ZNF680: variants seen among roughly 807,000 people sequenced by gnomAD.
ZNF680 encodes the protein hypothetical protein FLJ90430.
Under a neutral mutation model 12.1 loss-of-function variants are expected in ZNF680, and 6 were observed. The ratio of observed to expected loss-of-function variants is 0.49; its 90% CI spans 0.27 to 0.98. The LOEUF (loss-of-function observed/expected upper bound fraction) is 0.98, where lower values mean the gene tolerates loss of function less well. Among genes scored for constraint, ZNF680 ranks in the 50% least tolerant of loss-of-function variants. ZNF680 has a pLI of 0.12. For missense variants in ZNF680, 561 were observed against 616.3 expected (o/e 0.91, Z 0.95); for synonymous variants, 170 against 199.3 (o/e 0.85, Z 1.24).
the ZNF680 span, among the ~76,000 whole-genome samples, chr7:64,502,962 T>C: frequency 5.9e-5 from 9 of 152,318 alleles, no homozygotes; most frequent in Admixed American, 5.9e-4. Flanking sequence ...CTAGGTCTAG[T>C]TGAATCTGCT....
In ZNF680 at chr7:64,521,705, T is replaced by C. The variant is rs534634495; in HGVS notation, c.1049A>G (p.Tyr350Cys). The C allele has an allele frequency of 1.3e-4, 217 of 1,612,386 alleles. 3 individuals carry two copies. The South Asian group carries it at 2.3e-3, about 17-fold the overall frequency. Reference protein sequence around the residue: ...HKKIHTGEKPYKCEECGKAFN... With the variant: ...HKKIHTGEKPCKCEECGKAFN... ...AGCTTTGCCACATTCTTCACATTTG[T>C]AGGGTTTCTCTCCAGTATGAATTTT... The change falls in exon 4 of 4, where the codon TAC (tyrosine) becomes TGC (cysteine). Residue 350 changes from tyrosine to cysteine, a missense_variant. Physicochemically the swap from Tyr to Cys is radical, Grantham distance 194. Coordinates refer to ENST00000309683, the MANE Select transcript of ZNF680 (RefSeq NM_178558.5).
At chr7:64,533,687 G>A (rs1198524881) in intron 3 of ZNF680, among the ~76,000 whole-genome samples, 2 of 151,768 alleles carry the variant, frequency 1.3e-5, no homozygotes, top group Non-Finnish European at 1.5e-5. Context: ...TATACAGAAC[G>A]AAAAAAGAGC....
At chr7:64,550,757 A>G (rs1271491983) in intron 1 of ZNF680, among the ~76,000 whole-genome samples, 2 of 152,194 alleles carry the variant, frequency 1.3e-5, no homozygotes, top group Non-Finnish European at 2.9e-5. Context: ...CAGAGAAACA[A>G]TTCTGCCTGC....
downstream of ZNF680, among the ~76,000 whole-genome samples, chr7:64,518,801 T>A (rs370194910): frequency 6.6e-6 from 1 of 151,868 alleles, no homozygotes; most frequent in African/African-American, 2.4e-5. Flanking sequence ...TGTAGAAGAA[T>A]AAAACTGGAA....
chr7:64,514,754 C>T, the ZNF680 span, among the ~76,000 whole-genome samples: 1 of 152,098 alleles, frequency 6.6e-6, no homozygotes, highest in African/African-American at 2.4e-5. Context: ...TAAACCATTG[C>T]TAATCTTGGC....
At chr7:64,555,376 A>C (rs1206026884) in intron 1 of ZNF680, among the ~76,000 whole-genome samples, 2 of 152,006 alleles carry the variant, frequency 1.3e-5, no homozygotes, top group African/African-American at 4.8e-5. Flanking sequence ...TGATACAAAT[A>C]CATGGAAATT....
At chr7:64,514,421 A>C in the ZNF680 span, among the ~76,000 whole-genome samples, 1 of 152,146 alleles carries the variant, frequency 6.6e-6, no homozygotes, top group Non-Finnish European at 1.5e-5. Context: ...ACCACCCTAA[A>C]CATTTTGTCA....
intron 1 of ZNF680, among the ~76,000 whole-genome samples, chr7:64,553,967 T>C (rs1264693580): frequency 6.6e-6 from 1 of 152,134 alleles, no homozygotes. Context: ...TGCCTTGGCC[T>C]CCCAAAGTGC....
At chr7:64,527,722 C>T (rs1472925831) in intron 3 of ZNF680, among the ~76,000 whole-genome samples, 1 of 151,952 alleles carries the variant, frequency 6.6e-6, no homozygotes, top group Admixed American at 6.6e-5. Context: ...GATCCCAGGA[C>T]TTTGAGAAGC....
chr7:64,557,821 G>A (rs978793643), intron 1 of ZNF680, among the ~76,000 whole-genome samples: 3 of 152,194 alleles, frequency 2.0e-5, no homozygotes, highest in African/African-American at 7.2e-5. Context: ...CGGAGGCGGA[G>A]GACAAAGAGA....
the ZNF680 span, among the ~76,000 whole-genome samples, chr7:64,503,616 GGCGATCCGCCCACCTTGCCTC>G: frequency 6.6e-6 from 1 of 152,074 alleles, no homozygotes; most frequent in Middle Eastern, 3.2e-3. Context: ...CCTGACCTCA[GGCGATCCGCCCACCTTGCCTC>G]GCAAAGTGCT....
downstream of ZNF680, among the ~76,000 whole-genome samples, chr7:64,516,543 C>T (rs887532708): frequency 6.6e-6 from 1 of 152,246 alleles, no homozygotes; most frequent in Non-Finnish European, 1.5e-5. Flanking sequence ...ACTCCACTGA[C>T]AGTACTAGAC....
intron 1 of ZNF680, among the ~76,000 whole-genome samples, chr7:64,554,861 G>A (rs1342220832): frequency 2.0e-5 from 3 of 152,012 alleles, no homozygotes; most frequent in Non-Finnish European, 2.9e-5. Context: ...GGAAGGCAGC[G>A]GGGCCCTCTG....
chr7:64,499,510 C>T, the ZNF680 span, among the ~76,000 whole-genome samples: 1 of 152,244 alleles, frequency 6.6e-6, no homozygotes, highest in African/African-American at 2.4e-5. Context: ...GTAATCCCAA[C>T]ATTTTGGGAG....
chr7:64,541,909 CA>C (rs1786526159), intron 3 of ZNF680, among the ~76,000 whole-genome samples: 1 of 152,186 alleles, frequency 6.6e-6, no homozygotes, highest in South Asian at 2.1e-4. Context: ...AGTTCACGGC[CA>C]GTTCTGCCTA....
chr7:64,526,560 T>TA (rs563893028), intron 3 of ZNF680: 5,258 of 347,768 alleles, frequency 0.015, 2 homozygotes, highest in Middle Eastern at 0.024. Context: ...GTCCATTATT[T>TA]AAAAAAAAAA....
At chr7:64,510,770 C>T in the ZNF680 span, among the ~76,000 whole-genome samples, 15 of 131,542 alleles carry the variant, frequency 1.1e-4, no homozygotes, top group African/African-American at 1.5e-4. Context: ...ATTAGCCGGG[C>T]GTAGTGGCGG....
intron 1 of ZNF680, among the ~76,000 whole-genome samples, chr7:64,559,254 C>T (rs1292561855): frequency 6.6e-6 from 1 of 152,088 alleles, no homozygotes; most frequent in African/African-American, 2.4e-5. Context: ...ATTTTCCTTC[C>T]ACATATATCT....
the ZNF680 span, among the ~76,000 whole-genome samples, chr7:64,513,573 AT>A: frequency 6.6e-6 from 1 of 152,258 alleles, no homozygotes; most frequent in South Asian, 2.1e-4. Flanking sequence ...AAAATTGTTT[AT>A]AAGGTTTCAT....
Sources: allele counts gnomAD v4.1 joint callset (sites outside exome capture counted in the v4.1 genomes callset), GRCh38; gene constraint gnomAD v4.1.1; transcripts MANE v1.5; gene names NCBI Gene and HGNC (gene_info 2026-07-23, HGNC 2026-07-21).